POLR1C: variants seen among roughly 807,000 people sequenced by gnomAD.
The protein encoded by POLR1C is RNA polymerase I and III subunit C.
A neutral mutation model predicts 38.3 loss-of-function variants in POLR1C; 42 were observed. That is an observed-to-expected ratio of 1.10 (90% CI 0.86 to 1.42). POLR1C has a LOEUF of 1.42. POLR1C is among the 40% of genes most tolerant of loss of function. POLR1C has a pLI of 0.00. For missense variants in POLR1C, 507 were observed against 450.5 expected (o/e 1.13, Z -1.14); for synonymous variants, 163 against 163.9 (o/e 0.99, Z 0.04).
Position 43,520,943 on chromosome 6 carries a change from GC to G in POLR1C, c.819del (p.Arg274GlufsTer20). On this transcript the variant is annotated frameshift_variant, in exon 8 of 9. Coordinates refer to ENST00000642195, the MANE Select transcript of POLR1C (RefSeq NM_203290.4). LOFTEE classifies it high-confidence loss of function. ...TTTGTTCTCATTAGGTAAAAAGGTG[GC>G]CAGAGTTGCCAACCCCCGGCTGGAT... ...EVQEVQGKKV[A>X]RVANPRLDTF... is the part of the protein sequence containing the mutation. 6.2e-7 allele frequency: 1 copy of G among 1,614,082 alleles called. No homozygotes were observed. The highest frequency in any genetic ancestry group is 1.1e-5 in the South Asian group (1 of 91,082).
At chr6:43,558,555 C>A in intron 10 of POLR1C, 1 of 1,602,984 alleles carries the variant, frequency 6.2e-7, no homozygotes, top group Non-Finnish European at 8.5e-7. Flanking sequence ...CGAGAATATT[C>A]ACAGCTAGGG....
chr6:43,528,730 G>C, intron 8 of POLR1C: 2 of 1,182,272 alleles, frequency 1.7e-6, no homozygotes, highest in South Asian at 2.6e-5. Context: ...GGCAGGGCTA[G>C]TAGACAACAC....
intron 10 of POLR1C, chr6:43,556,099 A>T (rs375399484): frequency 8.5e-7 from 1 of 1,177,404 alleles, no homozygotes; most frequent in Non-Finnish European, 1.2e-6. Flanking sequence ...CTTTGCATGT[A>T]ATAATCACTC....
chr6:43,526,070 T>TAATGCC, downstream of POLR1C: 1 of 729,788 alleles, frequency 1.4e-6, no homozygotes, highest in Admixed American at 2.5e-5. Context: ...CACCTCCACA[T>TAATGCC]AATGCCCATG....
In POLR1C at chr6:43,556,430, T is replaced by C. The variant is rs1026342867; in HGVS notation, c.*49-4970T>C. ...GTCCCAGTAACTTGGGAGAGTGAGGTAGGAGGATCAGCTGAGCCCAGGGAG... is the reference window on the plus strand; with the variant it reads ...GTCCCAGTAACTTGGGAGAGTGAGGCAGGAGGATCAGCTGAGCCCAGGGAG... On this transcript the variant is annotated intron_variant, in intron 10 of 10. Coordinates refer to the POLR1C transcript ENST00000607635. Among the ~76,000 whole-genome samples, 4 of 148,952 alleles carry C rather than the reference T, an allele frequency of 2.7e-5. No homozygotes were observed. The East Asian group carries it at 8.0e-4, about 30-fold the overall frequency.
rs746346890 is a variant in POLR1C at position 43,562,310 on chromosome 6, G to A, written c.*959G>A. ...CCTGACAGAGCCTCTTCAGAAAGAC[G>A]TAGTGTTTTTCTACCAAACCTCCTC... On this transcript the variant is annotated 3_prime_UTR_variant, in exon 11 of 11. Coordinates refer to the POLR1C transcript ENST00000607635. 25 of 1,609,550 alleles carry A rather than the reference G, an allele frequency of 1.6e-5. No homozygotes were observed. Among genetic ancestry groups the A allele is most frequent in the South Asian group, 8.9e-5 (8 of 89,726 alleles).
At chr6:43,548,503 G>C (rs766848647) in intron 9 of POLR1C, 10 of 1,440,232 alleles carry the variant, frequency 6.9e-6, no homozygotes, top group Non-Finnish European at 8.3e-6. Context: ...GTAAAGGTCT[G>C]ATTTTCAAGG....
intron 9 of POLR1C, chr6:43,548,427 G>C: frequency 6.2e-7 from 1 of 1,603,274 alleles, no homozygotes; most frequent in Non-Finnish European, 8.5e-7. Context: ...GAGAGGAGTT[G>C]CTTCACATGG....
chr6:43,534,186 T>C (rs1162605951), downstream of POLR1C, among the ~76,000 whole-genome samples: 1 of 152,160 alleles, frequency 6.6e-6, no homozygotes, highest in African/African-American at 2.4e-5. Flanking sequence ...CAGACTTGTA[T>C]AGATATAATT....
At chr6:43,529,902 C>G (rs571255470), downstream of POLR1C, among the ~76,000 whole-genome samples, 1 of 130,160 alleles carries the variant, frequency 7.7e-6, no homozygotes, top group African/African-American at 3.2e-5. Context: ...ACACTGAGAC[C>G]CTGTCTCAAA....
intron 8 of POLR1C, chr6:43,527,445 T>C (rs1793668019): frequency 1.9e-6 from 1 of 538,756 alleles, no homozygotes; most frequent in Non-Finnish European, 3.3e-6. Context: ...AGCTAATTTT[T>C]GTATTATTAG....
At chr6:43,530,745 T>A (rs1382571350), downstream of POLR1C, 4 of 1,613,928 alleles carry the variant, frequency 2.5e-6, no homozygotes, top group East Asian at 6.7e-5. Flanking sequence ...AAGGCTGAGC[T>A]GAGAAGCTGG....
At chr6:43,528,784 C>G (rs1381178209) in intron 8 of POLR1C, 2 of 1,558,506 alleles carry the variant, frequency 1.3e-6, no homozygotes, top group South Asian at 2.3e-5. Context: ...TGGCCAGAGG[C>G]CTTAATAGTA....
Position 43,521,414 on chromosome 6 carries a change from C to T in POLR1C, c.*114C>T. 3.1e-6 allele frequency: 5 copies of T among 1,589,792 alleles called. No individual in the cohort carries two copies. The highest frequency in any genetic ancestry group is 4.3e-6 in the Non-Finnish European group (5 of 1,169,634). On this transcript the variant is annotated 3_prime_UTR_variant, in exon 9 of 9. Transcript: ENST00000642195. ...GGATCCTGAGTTTTCTGGGACAATTCCAGCTTTAATCAATACATTTTGTTA... is the reference window on the plus strand; with the variant it reads ...GGATCCTGAGTTTTCTGGGACAATTTCAGCTTTAATCAATACATTTTGTTA...
In POLR1C at chr6:43,519,810, T is replaced by G; in HGVS notation, c.354T>G (p.Asp118Glu). 1.9e-6 allele frequency: 3 copies of G among 1,614,198 alleles called. No individual in the cohort carries two copies. Among genetic ancestry groups the G allele is most frequent in the Non-Finnish European group, 2.5e-6 (3 of 1,180,024 alleles). The change falls in exon 4 of 9, where the codon GAT becomes GAG. Residue 118 changes from aspartate to glutamate, a missense_variant. Asp to Glu is a conservative substitution (Grantham distance 45). Transcript: ENST00000642195. ...HRLGLIPIHA[D>E]PRLFEYRNQG... ...TGGGGCTCATTCCCATTCATGCTGA[T>G]CCCCGTCTTTTTGAGTATCGGAACC...
At chr6:43,546,776 ATAAATAT>A in intron 9 of POLR1C, 1 of 1,515,092 alleles carries the variant, frequency 6.6e-7, no homozygotes, top group African/African-American at 1.4e-5. Flanking sequence ...AGAATGACAG[ATAAATAT>A]TAAAAGGAAA....
chr6:43,560,852 T>G, intron 10 of POLR1C: 1 of 1,219,180 alleles, frequency 8.2e-7, no homozygotes, highest in Non-Finnish European at 1.2e-6. Context: ...TCTACAATAA[T>G]ATTTCAGGAC....
intron 9 of POLR1C, chr6:43,547,360 C>T (rs1795012011): frequency 3.5e-6 from 2 of 568,880 alleles, no homozygotes; most frequent in Admixed American, 2.7e-5. Context: ...CACCTTCAGT[C>T]TTCAGAGCTA....
At chr6:43,542,161 A>AT (rs533604523) in intron 9 of POLR1C, among the ~76,000 whole-genome samples, 209 of 151,650 alleles carry the variant, frequency 1.4e-3, no homozygotes, top group African/African-American at 4.8e-3. Context: ...TTTAATTTTT[A>AT]TTTTTTTTCT....
Sources: gnomAD v4.1 joint callset for allele counts (sites outside exome capture counted in the v4.1 genomes callset) on GRCh38, gnomAD v4.1.1 for gene constraint, MANE v1.5 for transcripts, NCBI Gene and HGNC (gene_info 2026-07-23, HGNC 2026-07-21) for gene names.